DDO: variants seen among roughly 807,000 people sequenced by gnomAD.
DDO encodes D-aspartate oxidase.
DDO carries 16 observed loss-of-function variants against 16.8 expected under a neutral mutation model. The observed-to-expected ratio is 0.95, with a 90% CI of 0.65 to 1.45. The LOEUF (loss-of-function observed/expected upper bound fraction) is 1.45, where lower values mean the gene tolerates loss of function less well. DDO is among the 40% of genes most tolerant of loss of function. The probability of loss-of-function intolerance (pLI) is 0.00; values close to 1 mark genes in which losing one functional copy is unlikely to be tolerated. For missense variants in DDO, 429 were observed against 420.3 expected, an observed-to-expected ratio of 1.02 and a Z score of -0.18; for synonymous variants, 180 against 167.2, an observed-to-expected ratio of 1.08 and a Z score of -0.59.
intron 4 of DDO, among the ~76,000 whole-genome samples, chr6:110,396,639 T>C (rs1773299907): frequency 6.6e-6 from 1 of 152,188 alleles, no homozygotes; most frequent in Non-Finnish European, 1.5e-5. Flanking sequence ...TGGATTACTT[T>C]TTGATGTAAT....
chr6:110,401,242 A>G (rs2114821839), intron 4 of DDO, among the ~76,000 whole-genome samples: 1 of 152,340 alleles, frequency 6.6e-6, no homozygotes, highest in East Asian at 1.9e-4. Context: ...GCTACACCTC[A>G]AATCAGGATT....
At chr6:110,413,166 GA>G in intron 2 of DDO, 124 bp downstream of exon 2, 1 of 1,134,962 alleles carries the variant, frequency 8.8e-7, no homozygotes. Context: ...AAGAGGAAAG[GA>G]AAAAGAAAAA....
chr6:110,403,164 G>A (rs967406046), intron 4 of DDO, among the ~76,000 whole-genome samples: 23 of 152,184 alleles, frequency 1.5e-4, no homozygotes, highest in Middle Eastern at 3.4e-3. Context: ...GTATTGAAAG[G>A]AAACTCTGCC....
Position 110,392,141 on chromosome 6 carries a change from C to T in DDO, c.*634G>A. The T allele has an allele frequency of 1.5e-5, 15 of 975,900 alleles. No individual in the cohort carries two copies. Among genetic ancestry groups the T allele is most frequent in the Non-Finnish European group, 1.8e-5 (15 of 821,262 alleles). 60.5% of individuals were successfully genotyped at this position (975,900 alleles called of 1,614,324 possible). ...GCTTGCTGCTAGTACTAGGAGCAAGCATGCTTTGTCTTCAATTAAATGTAA... is the reference window on the plus strand; with the variant it reads ...GCTTGCTGCTAGTACTAGGAGCAAGTATGCTTTGTCTTCAATTAAATGTAA... On this transcript the variant is annotated 3_prime_UTR_variant, in exon 5 of 5. Transcript: ENST00000368924.
chr6:110,402,526 G>A lies in DDO; in HGVS notation c.458+2248C>T, dbSNP rs146104101. On this transcript the variant is annotated intron_variant, in intron 4 of 4. Coordinates refer to ENST00000368924, the MANE Select transcript of DDO (RefSeq NM_001372108.2). The stretch of plus-strand genomic sequence containing the variant: ...CTAAAAATACAAAAATTAGCTGGGC[G>A]TGGTGGCAGGCACCTGTAATCCCAG... Among the ~76,000 whole-genome samples the A allele has an allele frequency of 5.7e-4, 87 of 151,732 alleles. 1 individual carries two copies. Among genetic ancestry groups the A allele is most frequent in the African/African-American group, 1.7e-3 (69 of 41,398 alleles).
intron 1 of DDO, among the ~76,000 whole-genome samples, chr6:110,414,407 G>A (rs1004849914): frequency 2.6e-5 from 4 of 152,204 alleles, no homozygotes; most frequent in African/African-American, 9.7e-5. Flanking sequence ...TGGATTACTT[G>A]CTCCTTTGGG....
chr6:110,401,118 G>C (rs143176421), intron 4 of DDO, among the ~76,000 whole-genome samples: 1 of 152,334 alleles, frequency 6.6e-6, no homozygotes, highest in African/African-American at 2.4e-5. Flanking sequence ...GGTGCTTCCC[G>C]GCATGCTCCT....
rs74396831 is a variant in DDO at position 110,398,675 on chromosome 6, G to A, written c.459-5333C>T. On this transcript the variant is annotated intron_variant, in intron 4 of 4. Transcript: ENST00000368924. ...GCTAATGATGGTGCTGAGGAAGCCA[G>A]TTTCTTTCACAGGCATTGCTGTGAG... Among the ~76,000 whole-genome samples, 448 of 152,316 alleles carry A rather than the reference G, an allele frequency of 2.9e-3. 2 individuals are homozygous for A. The highest frequency in any genetic ancestry group is 6.8e-3 in the Middle Eastern group (2 of 294).
At chr6:110,409,128 C>G (rs1773762921) in intron 2 of DDO, among the ~76,000 whole-genome samples, 1 of 152,182 alleles carries the variant, frequency 6.6e-6, no homozygotes, top group African/African-American at 2.4e-5. Context: ...CCATACCATC[C>G]CCCAGGCACC....
intron 3 of DDO, among the ~76,000 whole-genome samples, chr6:110,405,191 C>T (rs1773611206): frequency 1.3e-5 from 2 of 152,050 alleles, no homozygotes; most frequent in Non-Finnish European, 1.5e-5. Flanking sequence ...CGCTTGCTAC[C>T]ACACCTGACT....
intron 4 of DDO, among the ~76,000 whole-genome samples, chr6:110,400,527 C>A (rs1261802884): frequency 1.3e-5 from 2 of 152,226 alleles, no homozygotes; most frequent in Admixed American, 6.5e-5. Flanking sequence ...TCTACAGTGA[C>A]ACCTCTTCAG....
chr6:110,399,543 G>T (rs1381259563), intron 4 of DDO, among the ~76,000 whole-genome samples: 1 of 84,950 alleles, frequency 1.2e-5, no homozygotes, highest in African/African-American at 4.3e-5. Context: ...CGGCCCTCCC[G>T]CCCACCCCGC....
At chr6:110,408,277 C>A in intron 3 of DDO, 57 bp downstream of exon 3, 1 of 1,512,048 alleles carries the variant, frequency 6.6e-7, no homozygotes, top group Non-Finnish European at 9.2e-7. Flanking sequence ...ATGTTGAACT[C>A]TAATGCCTGT....
intron 4 of DDO, among the ~76,000 whole-genome samples, chr6:110,401,712 T>C (rs1376809850): frequency 6.6e-6 from 1 of 152,150 alleles, no homozygotes; most frequent in African/African-American, 2.4e-5. Flanking sequence ...TTGGAAAATA[T>C]CACAGTAATA....
intron 4 of DDO, among the ~76,000 whole-genome samples, chr6:110,396,949 T>C (rs146433422): frequency 1.7e-4 from 26 of 152,224 alleles, no homozygotes; most frequent in African/African-American, 5.8e-4. Flanking sequence ...GTAGTAATAC[T>C]GAGCAGCATG....
downstream of DDO, among the ~76,000 whole-genome samples, chr6:110,391,349 GC>G (rs1773095163): frequency 8.7e-6 from 1 of 115,138 alleles, no homozygotes; most frequent in South Asian, 2.6e-4. Flanking sequence ...TTCTCCTCAA[GC>G]CTTTTTTTTT....
intron 4 of DDO, among the ~76,000 whole-genome samples, chr6:110,400,658 G>C (rs1159443246): frequency 6.6e-6 from 1 of 152,214 alleles, no homozygotes. Context: ...CTCCCAGGAG[G>C]AGTTAAGCAT....
chr6:110,407,307 C>G (rs1337172477), intron 3 of DDO, among the ~76,000 whole-genome samples: 2 of 152,110 alleles, frequency 1.3e-5, no homozygotes, highest in Non-Finnish European at 2.9e-5. Flanking sequence ...CAACTGGCTC[C>G]AGATTTAGTT....
intron 4 of DDO, among the ~76,000 whole-genome samples, chr6:110,403,944 A>G (rs180784213): frequency 3.0e-4 from 45 of 152,380 alleles, no homozygotes; most frequent in Non-Finnish European, 5.0e-4. Flanking sequence ...CAATTATCCT[A>G]TAACCTACAT....
Sources: gnomAD v4.1 joint callset for allele counts (sites outside exome capture counted in the v4.1 genomes callset) on GRCh38, gnomAD v4.1.1 for gene constraint, MANE v1.5 for transcripts, NCBI Gene and HGNC (gene_info 2026-07-23, HGNC 2026-07-21) for gene names.